The following UNC5C variants were observed in gnomAD, a reference collection of about 807,000 sequenced individuals.
UNC5C encodes the protein netrin receptor UNC5C.
Under a neutral mutation model 99.8 loss-of-function variants are expected in UNC5C, and 47 were observed. The observed-to-expected ratio is 0.47, with a 90% CI of 0.37 to 0.60. The LOEUF is 0.60. Ranked by LOEUF, UNC5C falls within the 20% of genes least tolerant of loss-of-function variation. The pLI is 0.00. For synonymous variants in UNC5C, 487 were observed against 452.2 expected, an observed-to-expected ratio of 1.08 and a Z score of -0.98; for missense variants, 1,062 against 1,165.9, an observed-to-expected ratio of 0.91 and a Z score of 1.30.
intron 12 of UNC5C, among the ~76,000 whole-genome samples, chr4:95,185,686 G>A (rs1219807622): frequency 1.3e-5 from 2 of 152,018 alleles, no homozygotes; most frequent in Non-Finnish European, 2.9e-5. Context: ...ATTAGAACCT[G>A]TTTTAGACAT....
intron 1 of UNC5C, among the ~76,000 whole-genome samples, chr4:95,545,312 T>C (rs1454212531): frequency 6.6e-6 from 1 of 152,254 alleles, no homozygotes; most frequent in Non-Finnish European, 1.5e-5. Flanking sequence ...ATTTTAAGCA[T>C]TCTCTAAGCT....
At chr4:95,258,583 T>C (rs2149385450) in intron 4 of UNC5C, among the ~76,000 whole-genome samples, 1 of 152,116 alleles carries the variant, frequency 6.6e-6, no homozygotes, top group South Asian at 2.1e-4. Flanking sequence ...CTTTCAATGA[T>C]TTGGGGCATA....
At chr4:95,460,304 C>G (rs186270956) in intron 1 of UNC5C, among the ~76,000 whole-genome samples, 2,660 of 143,546 alleles carry the variant, frequency 0.019, 78 homozygotes, top group African/African-American at 0.066. Context: ...AATAGCCATT[C>G]TAATAATAAC....
chr4:95,345,784 A>T (rs933207042), intron 1 of UNC5C, among the ~76,000 whole-genome samples: 1 of 152,014 alleles, frequency 6.6e-6, no homozygotes, highest in African/African-American at 2.4e-5. Context: ...TAAAAAGTAA[A>T]TTTAAAAATT....
intron 1 of UNC5C, among the ~76,000 whole-genome samples, chr4:95,425,015 A>T (rs546530389): frequency 3.9e-3 from 592 of 151,964 alleles, no homozygotes; most frequent in Admixed American, 6.4e-3. Flanking sequence ...CTGGACTTAC[A>T]TTTTTTTTCA....
chr4:95,190,054 C>T (rs181714564), intron 12 of UNC5C, among the ~76,000 whole-genome samples: 221 of 152,178 alleles, frequency 1.5e-3, no homozygotes, highest in East Asian at 8.1e-3. Context: ...ATGTTTATTG[C>T]GGCACTATTC....
At chr4:95,438,515 A>C (rs1379765412) in intron 1 of UNC5C, among the ~76,000 whole-genome samples, 2 of 152,142 alleles carry the variant, frequency 1.3e-5, no homozygotes, top group Admixed American at 6.6e-5. Flanking sequence ...TATGTCTCAA[A>C]ACAGAAAAAT....
chr4:95,280,175 G>A (rs11935206), intron 3 of UNC5C, among the ~76,000 whole-genome samples: 6,990 of 152,046 alleles, frequency 0.046, 526 homozygotes, highest in African/African-American at 0.16. Context: ...CTACCAGAAA[G>A]CACCTGGAAA....
In UNC5C at chr4:95,202,946, C is replaced by T; in HGVS notation, c.1921G>A (p.Glu641Lys). ...TAGCAGGGGGTGGTGAAGTTTTCCTCCCCGACCACCACCACATCCTGGGGG... is the reference window on the plus strand; with the variant it reads ...TAGCAGGGGGTGGTGAAGTTTTCCTTCCCGACCACCACCACATCCTGGGGG... ...GQWEDVVVVGEENFTTPCYIQ... is the reference protein window; with the variant it reads ...GQWEDVVVVGKENFTTPCYIQ... The change falls in exon 12 of 16, where the codon GAG becomes AAG. Residue 641 changes from glutamate (E) to lysine (K), a missense_variant. Glu to Lys is a moderately conservative substitution (Grantham distance 56, BLOSUM62 1). Coordinates refer to ENST00000453304, the MANE Select transcript of UNC5C (RefSeq NM_003728.4). The T allele has an allele frequency of 6.2e-7, 1 of 1,614,080 alleles. No homozygotes were observed. The highest frequency in any genetic ancestry group is 8.5e-7 in the Non-Finnish European group (1 of 1,180,018).
intron 1 of UNC5C, among the ~76,000 whole-genome samples, chr4:95,362,826 T>TA (rs1744435846): frequency 6.6e-6 from 1 of 152,168 alleles, no homozygotes. Context: ...ATAGGCACTC[T>TA]AGGGCCTGGG....
At chr4:95,503,518 T>C (rs1171043987) in intron 1 of UNC5C, among the ~76,000 whole-genome samples, 2 of 152,148 alleles carry the variant, frequency 1.3e-5, no homozygotes, top group Non-Finnish European at 2.9e-5. Context: ...TTATTGTCTA[T>C]TAGAGAGTCA....
intron 1 of UNC5C, among the ~76,000 whole-genome samples, chr4:95,451,208 TAAATA>T: frequency 6.6e-6 from 1 of 152,292 alleles, no homozygotes; most frequent in Admixed American, 6.5e-5. Flanking sequence ...ATTACACATC[TAAATA>T]AACTGATCTA....
chr4:95,201,217 A>T (rs1334817334), intron 12 of UNC5C, among the ~76,000 whole-genome samples: 1 of 152,112 alleles, frequency 6.6e-6, no homozygotes, highest in East Asian at 1.9e-4. Context: ...CACAATCTCT[A>T]CACCCCAAGG....
intron 1 of UNC5C, among the ~76,000 whole-genome samples, chr4:95,469,073 C>T (rs1041802379): frequency 1.1e-4 from 16 of 152,030 alleles, no homozygotes; most frequent in Admixed American, 7.2e-4. Flanking sequence ...ACTGCATTTG[C>T]GTGAAAAACT....
intron 1 of UNC5C, among the ~76,000 whole-genome samples, chr4:95,468,017 C>T (rs1260714614): frequency 6.6e-6 from 1 of 151,502 alleles, no homozygotes; most frequent in Non-Finnish European, 1.5e-5. Context: ...AGGGGTTGGT[C>T]TTGTAGTCTC....
chr4:95,334,281 T>C (rs1743241713), intron 2 of UNC5C, among the ~76,000 whole-genome samples: 1 of 152,058 alleles, frequency 6.6e-6, no homozygotes, highest in Non-Finnish European at 1.5e-5. Flanking sequence ...TACTTGTCTC[T>C]GGTTAATCCA....
rs1170529760 is a variant in UNC5C, at chr4:95,192,549, GCCTCTTCTGCTTA to G, written c.2137-7366_2137-7354del. 2.8e-4 allele frequency among the ~76,000 whole-genome samples: 26 copies of G among 94,342 alleles called. 1 individual carries two copies. The highest frequency in any genetic ancestry group is 1.1e-3 in the African/African-American group (26 of 24,360). 61.9% of individuals were successfully genotyped at this position (94,342 alleles called of 152,430 possible). A position where few individuals can be genotyped will look rare whatever the true frequency, so the allele number is the denominator to read the frequency against. ...CCCTGCTCATCTTCCTCTCCTGGTC[GCCTCTTCTGCTTA>G]CCTCTTCCCCTGCTCACCTCCTCAC... On this transcript the variant is annotated intron_variant, in intron 12 of 15. Transcript: ENST00000453304.
At chr4:95,307,898 G>A in intron 2 of UNC5C, among the ~76,000 whole-genome samples, 1 of 152,090 alleles carries the variant, frequency 6.6e-6, no homozygotes, top group East Asian at 1.9e-4. Context: ...GCTGTAGAAA[G>A]AACATTTGAC....
chr4:95,257,146 T>C (rs1257297026), intron 4 of UNC5C, among the ~76,000 whole-genome samples: 1 of 152,128 alleles, frequency 6.6e-6, no homozygotes, highest in Non-Finnish European at 1.5e-5. Context: ...CTATACCTCA[T>C]CTCAAACCCT....
Sources: allele counts gnomAD v4.1 joint callset (sites outside exome capture counted in the v4.1 genomes callset), GRCh38; gene constraint gnomAD v4.1.1; transcripts MANE v1.5; gene names NCBI Gene and HGNC (gene_info 2026-07-23, HGNC 2026-07-21).